The following KIAA0319 variants were observed in gnomAD, a reference collection of about 807,000 sequenced individuals.
KIAA0319 encodes KIAA0319.
Under a neutral mutation model 108.4 loss-of-function variants are expected in KIAA0319, and 83 were observed. That is an observed-to-expected ratio of 0.77 (90% CI 0.64 to 0.92). KIAA0319 has a LOEUF of 0.92. KIAA0319 is among the 40% of genes least tolerant of loss of function. KIAA0319 has a pLI of 0.00. For missense variants in KIAA0319, 1,195 were observed against 1,322.4 expected (o/e 0.90, Z 1.49); for synonymous variants, 484 against 510.4 (o/e 0.95, Z 0.70).
chr6:24,618,892 A>G (rs547646670), intron 1 of KIAA0319, among the ~76,000 whole-genome samples: 2 of 152,312 alleles, frequency 1.3e-5, no homozygotes, highest in South Asian at 4.1e-4. Context: ...AGCTCAATGG[A>G]TGGGCTAAAT....
intron 10 of KIAA0319, among the ~76,000 whole-genome samples, chr6:24,574,736 A>C (rs1184089398): frequency 1.3e-5 from 2 of 152,230 alleles, no homozygotes; most frequent in Non-Finnish European, 2.9e-5. Context: ...GAAAATTGTT[A>C]CAAGATCCAT....
intron 1 of KIAA0319, among the ~76,000 whole-genome samples, chr6:24,628,878 T>C (rs6917660): frequency 0.71 from 107,692 of 151,974 alleles, 38,826 homozygotes; most frequent in East Asian, 0.87. Flanking sequence ...CCAGTCGCAG[T>C]GGATAAAGGG....
chr6:24,630,635 TTTC>T (rs1462220346), intron 1 of KIAA0319, among the ~76,000 whole-genome samples: 3 of 150,046 alleles, frequency 2.0e-5, no homozygotes, highest in Non-Finnish European at 4.4e-5. Flanking sequence ...AATGGCTGCT[TTTC>T]TTCTTTTAGA....
chr6:24,547,021 G>T lies in KIAA0319; in HGVS notation c.*144C>A. The T allele has an allele frequency of 1.3e-6, 1 of 796,634 alleles. No individual in the cohort carries two copies. Among genetic ancestry groups the T allele is most frequent in the African/African-American group, 1.7e-5 (1 of 58,250 alleles). The allele number at this position is 796,634 out of a possible 1,614,324, so 49.3% of individuals were successfully genotyped here. ...TTTTGTTTTGTGCCTTCAAAAACCG[G>T]TCTTTTAGTACGTGGGGATACACAT... On this transcript the variant is annotated 3_prime_UTR_variant, in exon 21 of 21. Transcript: ENST00000378214.
downstream of KIAA0319, chr6:24,544,014 G>C (rs1760324510): frequency 6.6e-6 from 1 of 152,210 alleles, no homozygotes; most frequent in Non-Finnish European, 1.5e-5. Context: ...ATAGTAAATA[G>C]TTTAGGCTTT....
intron 5 of KIAA0319, 82 bp downstream of exon 5, chr6:24,583,522 G>T: frequency 1.1e-6 from 1 of 892,644 alleles, no homozygotes; most frequent in South Asian, 1.5e-5. Context: ...AAAAAGAATC[G>T]GCGTTGTAAA....
At chr6:24,564,622 A>T (rs975935595) in intron 14 of KIAA0319, among the ~76,000 whole-genome samples, 13 of 152,204 alleles carry the variant, frequency 8.5e-5, no homozygotes, top group African/African-American at 2.7e-4. Context: ...ATTGTATCCA[A>T]CAAAGGGAAA....
At chr6:24,607,720 G>A (rs1047302475) in intron 1 of KIAA0319, among the ~76,000 whole-genome samples, 3 of 152,096 alleles carry the variant, frequency 2.0e-5, no homozygotes, top group African/African-American at 7.2e-5. Flanking sequence ...TAAAACATAA[G>A]CTGATACATT....
chr6:24,627,437 A>T (rs550234206), intron 1 of KIAA0319, among the ~76,000 whole-genome samples: 215 of 149,252 alleles, frequency 1.4e-3, no homozygotes, highest in African/African-American at 4.7e-3. Context: ...GGTCTTAGTG[A>T]GCATTTTCCC....
At position 24,556,688 on chromosome 6, in the gene KIAA0319, G is replaced by C; in HGVS notation, c.2776C>G (p.Leu926Val). The change falls in exon 18 of 21, where the codon CTC becomes GTC. Residue 926 changes from leucine to valine, a missense_variant. By Grantham distance (32) the Leu-to-Val change is conservative. Transcript: ENST00000378214. ...TGAGAGCAAATGCAGCGCTTTGTGA[G>C]GGGGTCGCAGTGACCATGGCCAGAA... ...KCSGHGHCDPLTKRCICSHLW... is the reference protein window; with the variant it reads ...KCSGHGHCDPVTKRCICSHLW... The C allele has an allele frequency of 6.2e-7, 1 of 1,614,020 alleles. No homozygotes were observed. Among genetic ancestry groups the C allele is most frequent in the African/African-American group, 1.3e-5 (1 of 75,048 alleles).
At position 24,590,935 on chromosome 6, in the gene KIAA0319, C is replaced by T. The variant is rs1768373167; in HGVS notation, c.802-2150G>A. Among the ~76,000 whole-genome samples the T allele has an allele frequency of 2.6e-5, 4 of 152,188 alleles. No homozygotes were observed. In the South Asian group the frequency reaches 8.3e-4, roughly 31 times the overall value. On this transcript the variant is annotated intron_variant, in intron 3 of 20. Coordinates refer to ENST00000378214, the MANE Select transcript of KIAA0319 (RefSeq NM_014809.4). Reference sequence around the variant, plus strand: ...TCAATCCTCTATGGAAGCCACTGAGCACCAGCATCACCCATTTCAGCCTTC... The same window carrying T: ...TCAATCCTCTATGGAAGCCACTGAGTACCAGCATCACCCATTTCAGCCTTC...
downstream of KIAA0319, among the ~76,000 whole-genome samples, chr6:24,541,659 A>G (rs758688717): frequency 2.0e-5 from 3 of 151,952 alleles, no homozygotes; most frequent in Admixed American, 6.6e-5. Context: ...TTAGCCCGTC[A>G]TGGTGGTGGG....
chr6:24,555,037 C>T (rs76059054), intron 18 of KIAA0319, among the ~76,000 whole-genome samples: 6,649 of 152,250 alleles, frequency 0.044, 420 homozygotes, highest in African/African-American at 0.14. Context: ...AATAAAGCAT[C>T]TATATGGCTG....
At chr6:24,634,139 T>C (rs900428514) in intron 1 of KIAA0319, among the ~76,000 whole-genome samples, 1 of 152,222 alleles carries the variant, frequency 6.6e-6, no homozygotes, top group African/African-American at 2.4e-5. Context: ...ATTTAACACC[T>C]GTCATGAAGG....
At chr6:24,553,808 A>C (rs1038871603) in intron 19 of KIAA0319, among the ~76,000 whole-genome samples, 7 of 152,252 alleles carry the variant, frequency 4.6e-5, no homozygotes, top group African/African-American at 1.4e-4. Context: ...CTGGACAGCC[A>C]AACATGTGGA....
chr6:24,641,769 T>C (rs536844558), intron 1 of KIAA0319, among the ~76,000 whole-genome samples: 7 of 152,120 alleles, frequency 4.6e-5, no homozygotes, highest in African/African-American at 1.2e-4. Flanking sequence ...TGGTGGCTGA[T>C]GACTGTAATC....
At chr6:24,644,926 A>T (rs1284210135) in intron 1 of KIAA0319, among the ~76,000 whole-genome samples, 1 of 152,206 alleles carries the variant, frequency 6.6e-6, no homozygotes, top group African/African-American at 2.4e-5. Flanking sequence ...TCCTCATCTG[A>T]ATTAAAAATA....
In KIAA0319 at chr6:24,588,705, T is replaced by G. The variant is rs779154668; in HGVS notation, c.882A>C (p.Thr294=). ...TGTGCTCTGTACTCCCCGGGGTGAC[T>G]GTGAGCACTGGGCTTTTCTCCACGG... The part of the protein sequence containing the change: ...SVTVEKSPVL[T]VTPGSTEHSI... Residue 294 remains threonine, a synonymous_variant, in exon 4 of 21, where the codon ACA becomes ACC. Coordinates refer to ENST00000378214, the MANE Select transcript of KIAA0319 (RefSeq NM_014809.4). 2.5e-6 allele frequency: 4 copies of G among 1,613,904 alleles called. No individual in the cohort carries two copies. The highest frequency in any genetic ancestry group is 1.3e-5 in the African/African-American group (1 of 74,880).
intron 2 of KIAA0319, chr6:24,598,183 G>A (rs1035320500): frequency 2.1e-6 from 1 of 471,370 alleles, no homozygotes. Flanking sequence ...TATGGGTCTG[G>A]GTGGAGGCTA....
Sources: allele counts gnomAD v4.1 joint callset (sites outside exome capture counted in the v4.1 genomes callset), GRCh38; gene constraint gnomAD v4.1.1; transcripts MANE v1.5; gene names NCBI Gene and HGNC (gene_info 2026-07-23, HGNC 2026-07-21).